NFIA: variants seen among roughly 807,000 people sequenced by gnomAD.
NFIA encodes the protein nuclear factor 1 A-type.
Under a neutral mutation model 62.8 loss-of-function variants are expected in NFIA, and 8 were observed. That is an observed-to-expected ratio of 0.13 (90% confidence interval 0.07 to 0.23). The LOEUF (loss-of-function observed/expected upper bound fraction) is 0.23. NFIA is among the 10% of genes least tolerant of loss of function. The pLI is 1.00. For missense variants in NFIA, 410 were observed against 642.1 expected (o/e 0.64, Z 3.91); for synonymous variants, 235 against 238.1 (o/e 0.99, Z 0.12).
chr1:61,352,558 C>A lies in NFIA; in HGVS notation c.809C>A (p.Ser270Tyr). ...GAMRRSLPST[S>Y]STSSTKRLKS... ...ATGAGGAGGTCTTTACCCAGCACAT[C>A]CTCTACGAGGTAATTTTATTGGCAG... is the stretch of plus-strand genomic sequence containing the variant. The change falls in exon 5 of 11, where the codon TCC becomes TAC. Residue 270 changes from serine (S) to tyrosine (Y), a missense_variant. Physicochemically the swap from Ser to Tyr is moderately radical, Grantham distance 144. Around this residue, in one of 3 missense-constraint regions of NFIA, gnomAD observed 298 missense variants for 438.1 expected, o/e 0.68. Transcript: ENST00000403491. 1 of 1,610,882 alleles carries A rather than the reference C, an allele frequency of 6.2e-7. No homozygotes were observed. The highest frequency in any genetic ancestry group is 2.2e-5 in the East Asian group (1 of 44,852).
At chr1:61,248,021 A>G (rs559775212) in intron 2 of NFIA, among the ~76,000 whole-genome samples, 2 of 152,314 alleles carry the variant, frequency 1.3e-5, no homozygotes, top group Non-Finnish European at 2.9e-5. Context: ...TAGTTCTTGT[A>G]CATGTGTGCG....
At chr1:61,197,838 G>A (rs1252898285) in intron 2 of NFIA, among the ~76,000 whole-genome samples, 1 of 151,774 alleles carries the variant, frequency 6.6e-6, no homozygotes, top group Non-Finnish European at 1.5e-5. Flanking sequence ...AAAATTAGCC[G>A]GGCTTGGTGG....
At chr1:61,185,756 C>A (rs182223215) in intron 2 of NFIA, among the ~76,000 whole-genome samples, 2 of 151,838 alleles carry the variant, frequency 1.3e-5, no homozygotes, top group Admixed American at 6.6e-5. Context: ...GCATTTTTCC[C>A]AGCTCCTTTT....
At chr1:61,217,793 AG>A (rs1214982051) in intron 2 of NFIA, among the ~76,000 whole-genome samples, 4 of 152,202 alleles carry the variant, frequency 2.6e-5, no homozygotes, top group African/African-American at 7.2e-5. Context: ...AACAGAATAT[AG>A]GCCTAAAATT....
chr1:61,079,807 GA>G (rs1407082032), upstream of NFIA, among the ~76,000 whole-genome samples: 3 of 152,240 alleles, frequency 2.0e-5, no homozygotes, highest in African/African-American at 7.2e-5. Context: ...AACTTGGGAA[GA>G]GGGGAGAGGG....
At chr1:61,191,012 TAAAG>T (rs1394313698) in intron 2 of NFIA, among the ~76,000 whole-genome samples, 1 of 151,032 alleles carries the variant, frequency 6.6e-6, no homozygotes, top group African/African-American at 2.4e-5. Context: ...TAAAGATAAA[TAAAG>T]AAACTGGCAG....
At chr1:61,368,298 G>T (rs1663702585) in intron 6 of NFIA, among the ~76,000 whole-genome samples, 1 of 152,160 alleles carries the variant, frequency 6.6e-6, no homozygotes, top group South Asian at 2.1e-4. Flanking sequence ...CGTGGCTCAG[G>T]TGGCCAACTC....
chr1:61,443,741 GAGA>G (rs1192103293), intron 10 of NFIA, among the ~76,000 whole-genome samples: 1 of 152,196 alleles, frequency 6.6e-6, no homozygotes, highest in Non-Finnish European at 1.5e-5. Context: ...GAGAGAAGTT[GAGA>G]AGGAGAGTCC....
At chr1:61,420,012 C>T (rs1308426740) in intron 9 of NFIA, among the ~76,000 whole-genome samples, 1 of 152,142 alleles carries the variant, frequency 6.6e-6, no homozygotes, top group African/African-American at 2.4e-5. Context: ...GCGTAGTTAT[C>T]CTCTAGATGC....
chr1:61,318,389 ACT>A (rs1217023926), intron 3 of NFIA, among the ~76,000 whole-genome samples: 2 of 152,140 alleles, frequency 1.3e-5, no homozygotes, highest in African/African-American at 4.8e-5. Flanking sequence ...TTAGCAAAAC[ACT>A]CACTTCAACG....
intron 2 of NFIA, among the ~76,000 whole-genome samples, chr1:61,160,322 G>A (rs779241704): frequency 6.6e-6 from 1 of 152,192 alleles, no homozygotes; most frequent in African/African-American, 2.4e-5. Context: ...AGCCCCTTCC[G>A]AGACCTGGTG....
chr1:61,370,791 G>C lies in NFIA; in HGVS notation c.946+11517G>C, dbSNP rs79458256. On this transcript the variant is annotated intron_variant, in intron 6 of 10. Coordinates refer to ENST00000403491, the MANE Select transcript of NFIA (RefSeq NM_001134673.4). ...TCCCACACTTTGATGATTTACTGTGGTCCAAGCATCTTGTTCCTCATTTTG... is the reference window on the plus strand; with the variant it reads ...TCCCACACTTTGATGATTTACTGTGCTCCAAGCATCTTGTTCCTCATTTTG... Among the ~76,000 whole-genome samples the C allele has an allele frequency of 2.8e-4, 43 of 152,180 alleles. 2 individuals carry two copies. In the East Asian group the frequency reaches 7.0e-3, roughly 25 times the overall value.
intron 7 of NFIA, among the ~76,000 whole-genome samples, chr1:61,384,422 T>G (rs1371123002): frequency 2.0e-5 from 3 of 152,288 alleles, no homozygotes; most frequent in Admixed American, 2.0e-4. Flanking sequence ...ACTGTGGGAA[T>G]GAAACTTACT....
intron 5 of NFIA, among the ~76,000 whole-genome samples, chr1:61,357,847 A>G (rs76428078): frequency 3.3e-5 from 5 of 152,110 alleles, no homozygotes; most frequent in Non-Finnish European, 7.4e-5. Context: ...CCCAGTAGAT[A>G]TGAAATCTAC....
At chr1:61,321,174 C>CAGATACAGATACAGATA (rs1485058348) in intron 3 of NFIA, among the ~76,000 whole-genome samples, 163 of 152,088 alleles carry the variant, frequency 1.1e-3, no homozygotes, top group African/African-American at 3.7e-3. Context: ...TTACAGAAGA[C>CAGATACAGATACAGATA]CTTAGCTTTT....
rs1233834839 is a variant in NFIA at position 61,096,295 on chromosome 1, T to A, written c.559+7615T>A. On this transcript the variant is annotated intron_variant, in intron 2 of 10. Coordinates refer to ENST00000403491, the MANE Select transcript of NFIA (RefSeq NM_001134673.4). ...GTGGCATGATCTCGGCTCACCGCAA[T>A]CTCTGCCTCCCTGGTTCAAGCGATT... 4.6e-5 allele frequency among the ~76,000 whole-genome samples: 7 copies of A among 150,680 alleles called. No homozygotes were observed. In the South Asian group the frequency reaches 1.5e-3, roughly 32 times the overall value.
intron 3 of NFIA, among the ~76,000 whole-genome samples, chr1:61,303,114 G>A (rs927844528): frequency 1.3e-5 from 2 of 152,170 alleles, no homozygotes; most frequent in Non-Finnish European, 2.9e-5. Context: ...CACTGTGTCT[G>A]CTTTTCATCT....
Position 61,089,707 on chromosome 1 carries a change from T to TTTTTTTG in NFIA, c.559+1033_559+1034insGTTTTTT, listed in dbSNP as rs1553149386. ...AACGTTTTTTTTTCTTTTTTTTTTT[T>TTTTTTTG]TTTTTTTACAAAGGAGAGATGTTAC... On this transcript the variant is annotated intron_variant, in intron 2 of 10. Coordinates refer to ENST00000403491, the MANE Select transcript of NFIA (RefSeq NM_001134673.4). Among the ~76,000 whole-genome samples, 1,216 of 150,428 alleles carry TTTTTTTG rather than the reference T, an allele frequency of 8.1e-3. 12 individuals are homozygous for TTTTTTTG. The highest frequency in any genetic ancestry group is 0.029 in the African/African-American group (1,164 of 40,806).
intron 2 of NFIA, among the ~76,000 whole-genome samples, chr1:61,158,363 T>G (rs1446501164): frequency 6.6e-6 from 1 of 152,238 alleles, no homozygotes; most frequent in Non-Finnish European, 1.5e-5. Flanking sequence ...TCCTGCACAT[T>G]AATTTTAATA....
Sources: allele counts gnomAD v4.1 joint callset (sites outside exome capture counted in the v4.1 genomes callset), GRCh38; gene constraint gnomAD v4.1.1; regional missense constraint gnomAD v4.1.1; transcripts MANE v1.5; gene names NCBI Gene and HGNC (gene_info 2026-07-23, HGNC 2026-07-21).